The following GPHN variants were observed in gnomAD, a reference collection of about 807,000 sequenced individuals.
The protein encoded by GPHN is gephyrin.
GPHN carries 17 observed loss-of-function variants against 95.5 expected under a neutral mutation model. That is an observed-to-expected ratio of 0.18 (90% CI 0.12 to 0.27). The LOEUF is 0.27. Among genes scored for constraint, GPHN ranks in the 10% least tolerant of loss-of-function variants. The pLI is 1.00. For synonymous variants in GPHN, 320 were observed against 322.5 expected (o/e 0.99, Z 0.08); for missense variants, 660 against 978.1 (o/e 0.67, Z 4.34).
chr14:67,685,010 C>A, the GPHN span: 3 of 1,601,956 alleles, frequency 1.9e-6, no homozygotes, highest in South Asian at 1.1e-5. Flanking sequence ...AGATAACATT[C>A]ATACCTGAAA....
At chr14:67,196,382 A>G in the GPHN span, among the ~76,000 whole-genome samples, 3 of 151,802 alleles carry the variant, frequency 2.0e-5, no homozygotes, top group Non-Finnish European at 2.9e-5. Context: ...ATGCCAGGCT[A>G]ATTTTTATAT....
chr14:67,727,209 G>A, the GPHN span: 1 of 1,599,068 alleles, frequency 6.3e-7, no homozygotes, highest in Non-Finnish European at 8.5e-7. Context: ...GGAGAAAGAG[G>A]AATAGCAAAA....
chr14:66,763,344 C>T (rs1032492862), intron 2 of GPHN, among the ~76,000 whole-genome samples: 7 of 145,662 alleles, frequency 4.8e-5, no homozygotes, highest in Non-Finnish European at 8.9e-5. Flanking sequence ...CACCCACTAA[C>T]GTGTCATCTA....
chr14:67,027,503 G>T (rs2073988075), intron 10 of GPHN, among the ~76,000 whole-genome samples: 1 of 151,914 alleles, frequency 6.6e-6, no homozygotes, highest in Admixed American at 6.6e-5. Flanking sequence ...GCTAATTTTT[G>T]TATTTTTAGT....
chr14:67,660,974 T>A, the GPHN span, among the ~76,000 whole-genome samples: 2 of 152,294 alleles, frequency 1.3e-5, no homozygotes, highest in East Asian at 3.9e-4. Context: ...GTTCCCACAG[T>A]CTAGTGGCCT....
the GPHN span, among the ~76,000 whole-genome samples, chr14:67,371,559 A>G: frequency 6.6e-6 from 1 of 152,332 alleles, no homozygotes; most frequent in East Asian, 1.9e-4. Context: ...CTTATAGCCT[A>G]TACACACATA....
chr14:67,426,572 T>G, the GPHN span, among the ~76,000 whole-genome samples: 2 of 152,148 alleles, frequency 1.3e-5, no homozygotes, highest in African/African-American at 2.4e-5. Flanking sequence ...TCTATTTTTT[T>G]GGTTTTGTTT....
chr14:66,909,322 T>C (rs753871884), intron 5 of GPHN, among the ~76,000 whole-genome samples: 9 of 152,070 alleles, frequency 5.9e-5, no homozygotes, highest in Non-Finnish European at 1.3e-4. Flanking sequence ...TCAATTCATG[T>C]TATGAGTCTG....
intron 9 of GPHN, among the ~76,000 whole-genome samples, chr14:66,975,572 A>G (rs1206520550): frequency 6.6e-6 from 1 of 152,146 alleles, no homozygotes; most frequent in Non-Finnish European, 1.5e-5. Flanking sequence ...TACCAGCCCT[A>G]GGCTACCATA....
At position 67,010,554 on chromosome 14, in the gene GPHN, A is replaced by G. The variant is rs548349090; in HGVS notation, c.964-13079A>G. On this transcript the variant is annotated intron_variant, in intron 9 of 22. Coordinates refer to ENST00000478722, the MANE Select transcript of GPHN (RefSeq NM_020806.5). ...GCAACAGAGCGAGACTCTGTCTCAG[A>G]AAAAAAAAAAAAAAAGAAAGAAAAA... 1.2e-3 allele frequency among the ~76,000 whole-genome samples: 163 copies of G among 139,722 alleles called. 1 individual carries two copies. In the South Asian group the frequency reaches 0.024, roughly 20 times the overall value. 91.7% of individuals were successfully genotyped at this position (139,722 alleles called of 152,430 possible).
At chr14:67,071,879 T>G (rs1202328781) in intron 11 of GPHN, among the ~76,000 whole-genome samples, 1 of 152,078 alleles carries the variant, frequency 6.6e-6, no homozygotes, top group African/African-American at 2.4e-5. Context: ...TTAAGCAATT[T>G]TAGTAGAAAA....
chr14:66,651,262 A>G (rs2065030137), intron 1 of GPHN, among the ~76,000 whole-genome samples: 1 of 152,224 alleles, frequency 6.6e-6, no homozygotes, highest in Non-Finnish European at 1.5e-5. Flanking sequence ...ACCTGCACAG[A>G]GAACTCGATC....
rs1324825451 is a variant in GPHN at position 67,058,798 on chromosome 14, T to C, written c.1144+12T>C. Reference sequence around the variant, plus strand: ...CATCAATTACCGAGGTACTATTATATTTGACCATTGCCCTTTCTTTTCTTC... The same window carrying C: ...CATCAATTACCGAGGTACTATTATACTTGACCATTGCCCTTTCTTTTCTTC... On this transcript the variant is annotated intron_variant, in intron 11 of 22. Coordinates refer to ENST00000478722, the MANE Select transcript of GPHN (RefSeq NM_020806.5). 6 of 1,611,070 alleles carry C rather than the reference T, an allele frequency of 3.7e-6. No individual in the cohort carries two copies. Among genetic ancestry groups the C allele is most frequent in the Non-Finnish European group, 5.1e-6 (6 of 1,177,394 alleles).
chr14:66,614,854 G>C (rs2062936280), intron 1 of GPHN, among the ~76,000 whole-genome samples: 1 of 151,582 alleles, frequency 6.6e-6, no homozygotes, highest in African/African-American at 2.4e-5. Context: ...CATCCTCTAA[G>C]TTCCTTCCCC....
the GPHN span, among the ~76,000 whole-genome samples, chr14:67,719,660 TAG>T: frequency 6.6e-6 from 1 of 152,034 alleles, no homozygotes; most frequent in Non-Finnish European, 1.5e-5. Context: ...TTCCTTTTTG[TAG>T]AGACGGGGTC....
chr14:67,179,073 C>T (rs1457887670), intron 21 of GPHN, among the ~76,000 whole-genome samples: 1 of 152,172 alleles, frequency 6.6e-6, no homozygotes, highest in Non-Finnish European at 1.5e-5. Context: ...CAACCCAACC[C>T]CTAGACTTCC....
the GPHN span, among the ~76,000 whole-genome samples, chr14:67,442,573 T>C: frequency 6.2e-4 from 94 of 152,318 alleles, no homozygotes; most frequent in African/African-American, 2.2e-3. Flanking sequence ...TTCCTCTGTG[T>C]CCTGTCCTGG....
chr14:67,572,236 C>G, the GPHN span: 9 of 1,608,104 alleles, frequency 5.6e-6, no homozygotes, highest in Non-Finnish European at 7.6e-6. Flanking sequence ...CAAACTGCAG[C>G]GCACCTCATC....
chr14:66,836,689 A>C (rs557261460), intron 4 of GPHN, among the ~76,000 whole-genome samples: 11 of 146,990 alleles, frequency 7.5e-5, no homozygotes, highest in African/African-American at 2.9e-4. Context: ...TTCGCAACCT[A>C]CTCATCTGAC....
Sources: gnomAD v4.1 joint callset for allele counts (sites outside exome capture counted in the v4.1 genomes callset) on GRCh38, gnomAD v4.1.1 for gene constraint, MANE v1.5 for transcripts, NCBI Gene and HGNC (gene_info 2026-07-23, HGNC 2026-07-21) for gene names.